The following API5 variants were observed in gnomAD, a reference collection of about 807,000 sequenced individuals.
API5 encodes FIF.
A neutral mutation model predicts 71.9 loss-of-function variants in API5; 6 were observed. That is an observed-to-expected ratio of 0.08 (90% CI 0.05 to 0.16). API5 has a LOEUF of 0.16. Among genes scored for constraint, API5 ranks in the 10% least tolerant of loss-of-function variants. The pLI is 1.00. For missense variants in API5, 332 were observed against 612.8 expected, an observed-to-expected ratio of 0.54 and a Z score of 4.84; for synonymous variants, 189 against 221.3, an observed-to-expected ratio of 0.85 and a Z score of 1.30.
In API5 at chr11:43,312,050, T is replaced by G; in HGVS notation, c.-78T>G. 6.6e-7 allele frequency: 1 copy of G among 1,520,546 alleles called. No homozygotes were observed. The highest frequency in any genetic ancestry group is 1.8e-5 in the Admixed American group (1 of 56,152). The allele number at this position is 1,520,546 out of a possible 1,614,324, so 94.2% of individuals were successfully genotyped here. ...GAGGTGTAATAGTGCGGGTAGTGGG[T>G]TTGGAGAAGTTCCGAGGCGGCGGTG... On this transcript the variant is annotated 5_prime_UTR_variant, in exon 1 of 14. Coordinates refer to ENST00000531273, the MANE Select transcript of API5 (RefSeq NM_001142930.2).
chr11:43,313,563 T>C lies in API5; in HGVS notation c.69+1367T>C, dbSNP rs1240764776. 4.6e-5 allele frequency among the ~76,000 whole-genome samples: 7 copies of C among 152,246 alleles called. No homozygotes were observed. The South Asian group carries it at 1.4e-3, about 32-fold the overall frequency. On this transcript the variant is annotated intron_variant, in intron 1 of 13. Transcript: ENST00000531273. ...TCCCCTTTTCTTAACATAATTCAAA[T>C]AGGACTTTTCTGAGCTGAACGAAAA... is the stretch of plus-strand genomic sequence containing the variant.
chr11:43,327,925 A>G (rs1855129053), intron 8 of API5, 47 bp downstream of exon 8: 1 of 1,161,012 alleles, frequency 8.6e-7, no homozygotes. Flanking sequence ...ATATAGCTCA[A>G]AGTCTAATTT....
At chr11:43,337,738 A>G (rs1320371163) in intron 13 of API5, among the ~76,000 whole-genome samples, 1 of 152,150 alleles carries the variant, frequency 6.6e-6, no homozygotes, top group African/African-American at 2.4e-5. Flanking sequence ...CATTCTTAAA[A>G]TCAAAAGTTA....
At chr11:43,318,937 G>T in intron 2 of API5, 136 bp downstream of exon 2, 2 of 792,650 alleles carry the variant, frequency 2.5e-6, no homozygotes, top group African/African-American at 1.8e-5. Context: ...ATCACACCCA[G>T]GCTTAAATTT....
At chr11:43,323,660 C>T (rs1460560151) in intron 6 of API5, 24 bp downstream of exon 6, 38 of 1,592,926 alleles carry the variant, frequency 2.4e-5, no homozygotes, top group Non-Finnish European at 3.2e-5. Context: ...TTTTACACAC[C>T]CGGTATTAGC....
At chr11:43,331,878 C>T (rs1185078784) in intron 11 of API5, among the ~76,000 whole-genome samples, 5 of 152,086 alleles carry the variant, frequency 3.3e-5, no homozygotes, top group African/African-American at 1.2e-4. Flanking sequence ...GAAATGTTTC[C>T]AATAGCTGCC....
Position 43,336,880 on chromosome 11 carries a change from C to T in API5, c.1492+886C>T, listed in dbSNP as rs530704326. Among the ~76,000 whole-genome samples the T allele has an allele frequency of 4.5e-4, 69 of 151,844 alleles. 1 individual carries two copies. The highest frequency in any genetic ancestry group is 1.4e-3 in the African/African-American group (58 of 41,404). On this transcript the variant is annotated intron_variant, in intron 13 of 13. Transcript: ENST00000531273. ...AAAATTTGCCAGGTGTGGTGGCGGG[C>T]GCCTGTAGTCCCAGCTACTCTGGAG...
intron 13 of API5, among the ~76,000 whole-genome samples, chr11:43,342,004 A>G (rs1325245541): frequency 6.6e-6 from 1 of 151,914 alleles, no homozygotes; most frequent in Non-Finnish European, 1.5e-5. Context: ...AAATAGCCAA[A>G]CATGGTGGTG....
chr11:43,338,864 T>G (rs72898983), intron 13 of API5, among the ~76,000 whole-genome samples: 14,614 of 152,132 alleles, frequency 0.096, 828 homozygotes, highest in Middle Eastern at 0.16. Context: ...GTGTGAATAA[T>G]GAGTATGATA....
intron 7 of API5, 55 bp from the exon 8 acceptor site, chr11:43,327,734 A>G: frequency 7.9e-7 from 1 of 1,269,810 alleles, no homozygotes; most frequent in Non-Finnish European, 1.1e-6. Context: ...AATTACTCTC[A>G]TTTCATAACC....
chr11:43,329,148 C>T, intron 9 of API5: 1 of 410,410 alleles, frequency 2.4e-6, no homozygotes, highest in South Asian at 3.9e-5. Context: ...TTGAGACCAG[C>T]TGGGCAACAT....
chr11:43,329,017 G>C, intron 9 of API5, 124 bp downstream of exon 9: 1 of 984,736 alleles, frequency 1.0e-6, no homozygotes, highest in Non-Finnish European at 1.5e-6. Context: ...ACAGATTGGA[G>C]GGTTCAGAAA....
At chr11:43,318,868 A>C in intron 2 of API5, 67 bp downstream of exon 2, 4 of 1,478,634 alleles carry the variant, frequency 2.7e-6, no homozygotes, top group Non-Finnish European at 3.7e-6. Context: ...ATACAATTGG[A>C]GTAGCAATCT....
rs5743247 is a variant in API5 at position 43,329,895 on chromosome 11, A to C, written c.1128-70A>C. 6,842 of 1,231,170 alleles carry C rather than the reference A, an allele frequency of 5.6e-3. 39 individuals carry two copies. Among genetic ancestry groups the C allele is most frequent in the Middle Eastern group, 0.013 (69 of 5,168 alleles). The allele number at this position is 1,231,170 out of a possible 1,614,324, so 76.3% of individuals were successfully genotyped here. A position where few individuals can be genotyped will look rare whatever the true frequency, so the allele number is the denominator to read the frequency against. Reference sequence around the variant, plus strand: ...TCTGCACTTAGGATCATTTTGCTGTAGTATAAGATTGAGTTTAAAAACAAA... The same window carrying C: ...TCTGCACTTAGGATCATTTTGCTGTCGTATAAGATTGAGTTTAAAAACAAA... On this transcript the variant is annotated intron_variant, in intron 9 of 13. Transcript: ENST00000531273.
At chr11:43,340,731 G>T (rs1219724648) in intron 13 of API5, among the ~76,000 whole-genome samples, 1 of 151,288 alleles carries the variant, frequency 6.6e-6, no homozygotes, top group Non-Finnish European at 1.5e-5. Flanking sequence ...AGAAAACTGG[G>T]TATCCATATG....
chr11:43,335,755 T>G, intron 12 of API5, 103 bp from the exon 13 acceptor site: 1 of 1,270,626 alleles, frequency 7.9e-7, no homozygotes, highest in Non-Finnish European at 1.1e-6. Context: ...GAGATTATCC[T>G]CTTTAGGATG....
intron 1 of API5, among the ~76,000 whole-genome samples, chr11:43,315,321 A>G (rs1854633533): frequency 6.6e-6 from 1 of 152,156 alleles, no homozygotes; most frequent in Non-Finnish European, 1.5e-5. Flanking sequence ...AATGCTTCAG[A>G]CTTGTATTTT....
chr11:43,327,412 G>C (rs1425479962), intron 7 of API5, among the ~76,000 whole-genome samples: 2 of 152,326 alleles, frequency 1.3e-5, no homozygotes, highest in Admixed American at 1.3e-4. Flanking sequence ...CTTACTAAGT[G>C]TGTCTTTATA....
At chr11:43,334,066 A>G (rs1368079920) in intron 11 of API5, among the ~76,000 whole-genome samples, 1 of 152,160 alleles carries the variant, frequency 6.6e-6, no homozygotes, top group Non-Finnish European at 1.5e-5. Context: ...ACAGTGGGCA[A>G]ACTGTATATA....
Sources: allele counts gnomAD v4.1 joint callset (sites outside exome capture counted in the v4.1 genomes callset), GRCh38; gene constraint gnomAD v4.1.1; transcripts MANE v1.5; gene names NCBI Gene and HGNC (gene_info 2026-07-23, HGNC 2026-07-21).